Variants in SIN3A observed in about 807,000 individuals in gnomAD.
The protein encoded by SIN3A is SIN3 transcription regulator family member A.
SIN3A carries 14 observed loss-of-function variants against 146.1 expected under a neutral mutation model. The observed-to-expected ratio is 0.10, with a 90% CI of 0.06 to 0.15. SIN3A has a LOEUF of 0.15. Ranked by LOEUF, SIN3A falls within the 10% of genes least tolerant of loss-of-function variation. The pLI, the probability that SIN3A is intolerant of heterozygous loss-of-function variation, is 1.00. For synonymous variants in SIN3A, 572 were observed against 572.0 expected, an observed-to-expected ratio of 1.00 and a Z score of 0.00; for missense variants, 1,028 against 1,576.0, an observed-to-expected ratio of 0.65 and a Z score of 5.89.
chr15:75,379,037 C>G (rs1004473623), intron 19 of SIN3A, among the ~76,000 whole-genome samples: 3 of 151,908 alleles, frequency 2.0e-5, no homozygotes, highest in African/African-American at 7.2e-5. Context: ...GTAGCTTGGA[C>G]TACAGGCGCC....
At chr15:75,415,595 C>T (rs1567375921) in intron 3 of SIN3A, 2 of 173,038 alleles carry the variant, frequency 1.2e-5, no homozygotes, top group South Asian at 1.4e-4. Context: ...CTGACACCTG[C>T]AATCCCAGCA....
chr15:75,449,527 T>C (rs1427213121), intron 1 of SIN3A, among the ~76,000 whole-genome samples: 1 of 152,228 alleles, frequency 6.6e-6, no homozygotes, highest in Non-Finnish European at 1.5e-5. Context: ...AATGTGGTTC[T>C]GCTATCTAAA....
intron 19 of SIN3A, among the ~76,000 whole-genome samples, chr15:75,378,366 A>T (rs1361724174): frequency 6.6e-6 from 1 of 152,188 alleles, no homozygotes; most frequent in Non-Finnish European, 1.5e-5. Flanking sequence ...GGAGTTCAAG[A>T]CCAGCCAGAC....
chr15:75,373,635 C>T (rs1386236598), intron 20 of SIN3A, among the ~76,000 whole-genome samples: 3 of 151,772 alleles, frequency 2.0e-5, no homozygotes, highest in Admixed American at 2.0e-4. Flanking sequence ...ATAGGCTGGG[C>T]ACAGTGGCTC....
intron 2 of SIN3A, among the ~76,000 whole-genome samples, chr15:75,428,122 G>C (rs1057230514): frequency 6.6e-6 from 1 of 152,126 alleles, no homozygotes; most frequent in African/African-American, 2.4e-5. Flanking sequence ...TGTTGGTCAG[G>C]ACATAGAACA....
At chr15:75,392,982 G>A (rs1253233262) in intron 14 of SIN3A, among the ~76,000 whole-genome samples, 167 bp from the exon 15 acceptor site, 3 of 152,182 alleles carry the variant, frequency 2.0e-5, no homozygotes, top group African/African-American at 7.2e-5. Flanking sequence ...TATAATCCCA[G>A]CACTTTGGTA....
intron 1 of SIN3A, among the ~76,000 whole-genome samples, chr15:75,446,640 C>T (rs1244085842): frequency 6.6e-6 from 1 of 151,474 alleles, no homozygotes; most frequent in Non-Finnish European, 1.5e-5. Flanking sequence ...TACAGGCACG[C>T]GCCAGCATGC....
intron 1 of SIN3A, chr15:75,447,765 C>A (rs1414470418): frequency 6.6e-6 from 1 of 152,168 alleles, no homozygotes; most frequent in Non-Finnish European, 1.5e-5. Context: ...CAAGAAGACT[C>A]ATGAAGGGTC....
chr15:75,401,003 GACT>G (rs2073402059), intron 10 of SIN3A, 63 bp from the exon 11 acceptor site: 2 of 1,131,942 alleles, frequency 1.8e-6, no homozygotes, highest in African/African-American at 3.1e-5. Context: ...CCTGAGGTAT[GACT>G]ACTACCATCT....
chr15:75,454,868 C>T (rs967117385), upstream of SIN3A: 2 of 152,472 alleles, frequency 1.3e-5, no homozygotes, highest in African/African-American at 4.8e-5. Context: ...GCGGACGAAG[C>T]CGCCGAGTTT....
Position 75,412,795 on chromosome 15 carries a change from C to T in SIN3A, c.724G>A (p.Ala242Thr). The T allele has an allele frequency of 1.9e-6, 3 of 1,598,132 alleles. No individual in the cohort carries two copies. Among genetic ancestry groups the T allele is most frequent in the Non-Finnish European group, 2.6e-6 (3 of 1,170,406 alleles). Residue 242 changes from alanine (A) to threonine (T), a missense_variant, in exon 5 of 21, where the codon GCT becomes ACT. By Grantham distance (58) the Ala-to-Thr change is moderately conservative. This residue lies in a region of SIN3A where 112 missense variants were observed against 135.7 expected (regional missense o/e 0.83). Transcript: ENST00000394947. ...ACTTTGGCAGGTGGGGGCTGAGGAGCTGGCTGGGCAGGAGCTGGGGCTGAC... is the reference window on the plus strand; with the variant it reads ...ACTTTGGCAGGTGGGGGCTGAGGAGTTGGCTGGGCAGGAGCTGGGGCTGAC... ...AQSAPAPAQP[A>T]PQPPPAKVSK...
chr15:75,379,442 A>G (rs1182012633), intron 19 of SIN3A, among the ~76,000 whole-genome samples: 4 of 152,182 alleles, frequency 2.6e-5, no homozygotes, highest in African/African-American at 9.7e-5. Context: ...CAGAACGATT[A>G]TATCAATTTC....
At chr15:75,407,243 T>C in intron 8 of SIN3A, 99 bp from the exon 9 acceptor site, 1 of 703,370 alleles carries the variant, frequency 1.4e-6, no homozygotes, top group East Asian at 2.8e-5. Context: ...AAACCACTGC[T>C]GATTAATAAT....
rs1177735021 is a variant in SIN3A, at chr15:75,400,230, A to G, written c.1738-74T>C. ...TGGTGATTAAGCATTCTGAATGAAA[A>G]GACAAAACTCTAGCAGAGAAATAGG... On this transcript the variant is annotated intron_variant, in intron 11 of 20. Coordinates refer to ENST00000394947, the MANE Select transcript of SIN3A (RefSeq NM_001145358.2). 7.5e-6 allele frequency: 6 copies of G among 801,834 alleles called. No homozygotes were observed. In the Admixed American group the frequency reaches 1.3e-4, roughly 18 times the overall value. 49.7% of individuals were successfully genotyped at this position (801,834 alleles called of 1,614,324 possible).
rs372721381 is a variant in SIN3A at position 75,406,288 on chromosome 15, T to C, written c.1407+767A>G. 6.6e-5 allele frequency among the ~76,000 whole-genome samples: 10 copies of C among 152,242 alleles called. No homozygotes were observed. In the East Asian group the frequency reaches 1.3e-3, roughly 21 times the overall value. ...TTTATGCCAATAATCTCAACTCTCG[T>C]TGCTCATTAGAATCAGCTGGGTAGC... On this transcript the variant is annotated intron_variant, in intron 9 of 20. Transcript: ENST00000394947.
intron 1 of SIN3A, among the ~76,000 whole-genome samples, chr15:75,437,145 A>C (rs2074121941): frequency 6.6e-6 from 1 of 151,352 alleles, no homozygotes. Flanking sequence ...TCCTCCTCGC[A>C]ACAATCCTGT....
At chr15:75,389,585 C>T (rs1276587607) in intron 16 of SIN3A, 67 bp downstream of exon 16, 2 of 1,525,470 alleles carry the variant, frequency 1.3e-6, no homozygotes, top group Non-Finnish European at 1.8e-6. Flanking sequence ...TTTCCTTTTC[C>T]TTGCGTGGCC....
upstream of SIN3A, chr15:75,453,048 C>G (rs1209943460): frequency 6.6e-6 from 1 of 152,224 alleles, no homozygotes; most frequent in Non-Finnish European, 1.5e-5. Context: ...GCTCTCTCAG[C>G]GCCAGGAGAG....
chr15:75,383,057 A>AAGCCTGGACAACCTGGAC (rs1300957584), intron 17 of SIN3A, among the ~76,000 whole-genome samples: 1 of 151,976 alleles, frequency 6.6e-6, no homozygotes, highest in Non-Finnish European at 1.5e-5. Flanking sequence ...ACTGCACTCC[A>AAGCCTGGACAACCTGGAC]AGCCTGGACA....
Sources: allele counts gnomAD v4.1 joint callset (sites outside exome capture counted in the v4.1 genomes callset), GRCh38; gene constraint gnomAD v4.1.1; regional missense constraint gnomAD v4.1.1; transcripts MANE v1.5; gene names NCBI Gene and HGNC (gene_info 2026-07-23, HGNC 2026-07-21).